The following PKHD1 variants were observed in gnomAD, a reference collection of about 807,000 sequenced individuals.
The protein encoded by PKHD1 is PKHD1 ciliary IPT domain containing fibrocystin/polyductin.
PKHD1 carries 291 observed loss-of-function variants against 412.0 expected under a neutral mutation model. The observed-to-expected ratio is 0.71, with a 90% CI of 0.64 to 0.78. The LOEUF (loss-of-function observed/expected upper bound fraction) is 0.78. Ranked by LOEUF, PKHD1 falls within the 30% of genes least tolerant of loss-of-function variation. The pLI, the probability that PKHD1 is intolerant of heterozygous loss-of-function variation, is 0.00. For missense variants in PKHD1, 4,825 were observed against 4,950.7 expected (o/e 0.97, Z 0.76); for synonymous variants, 1,777 against 1,821.5 (o/e 0.98, Z 0.62).
At chr6:51,859,102 A>G (rs1235284806) in intron 48 of PKHD1, among the ~76,000 whole-genome samples, 3 of 152,208 alleles carry the variant, frequency 2.0e-5, no homozygotes, top group Non-Finnish European at 4.4e-5. Context: ...AGTGCTGTCA[A>G]TTAAACCACT....
intron 60 of PKHD1, among the ~76,000 whole-genome samples, chr6:51,669,358 T>C (rs186992403): frequency 2.0e-5 from 3 of 152,226 alleles, no homozygotes; most frequent in Admixed American, 6.5e-5. Flanking sequence ...TATTCTCTGA[T>C]GGTAGTTTGT....
At chr6:51,786,447 T>A (rs1562307620) in intron 53 of PKHD1, among the ~76,000 whole-genome samples, 1 of 152,294 alleles carries the variant, frequency 6.6e-6, no homozygotes, top group African/African-American at 2.4e-5. Flanking sequence ...AGAATAAATA[T>A]AATCATGTCA....
At chr6:51,899,217 A>G (rs1306538776) in intron 43 of PKHD1, among the ~76,000 whole-genome samples, 2 of 150,522 alleles carry the variant, frequency 1.3e-5, no homozygotes, top group Non-Finnish European at 2.9e-5. Context: ...CAACCAAAAA[A>G]GAGAACTTTA....
intron 63 of PKHD1, 137 bp from the exon 64 acceptor site, chr6:51,639,093 G>C (rs1290200848): frequency 1.4e-6 from 1 of 724,288 alleles, no homozygotes. Context: ...AATCCATCAG[G>C]TTCTTCTTAG....
chr6:51,956,483 C>G (rs1455013297), intron 36 of PKHD1, among the ~76,000 whole-genome samples: 1 of 151,920 alleles, frequency 6.6e-6, no homozygotes, highest in African/African-American at 2.4e-5. Context: ...ATTTTTGAGC[C>G]TTCGTCATGC....
At chr6:51,991,607 T>G (rs1470731066) in intron 35 of PKHD1, among the ~76,000 whole-genome samples, 4 of 152,178 alleles carry the variant, frequency 2.6e-5, no homozygotes, top group African/African-American at 9.7e-5. Context: ...AAAAGTTAAA[T>G]AAAATAGGCC....
At chr6:51,811,160 G>T (rs552849183) in intron 52 of PKHD1, among the ~76,000 whole-genome samples, 1 of 152,064 alleles carries the variant, frequency 6.6e-6, no homozygotes, top group African/African-American at 2.4e-5. Context: ...TTTATAATAT[G>T]GTGATTATGT....
intron 23 of PKHD1, 136 bp downstream of exon 23, chr6:52,048,356 C>T (rs1277951151): frequency 6.3e-6 from 6 of 948,494 alleles, no homozygotes; most frequent in African/African-American, 1.6e-5. Context: ...AAGAATGTCA[C>T]TTTCAGACAC....
At chr6:51,721,914 C>T (rs1781968843) in intron 60 of PKHD1, 6 of 1,610,884 alleles carry the variant, frequency 3.7e-6, no homozygotes, top group Non-Finnish European at 5.1e-6. Context: ...GTCCATGCTC[C>T]AACCCATTCT....
chr6:51,958,816 CACACACACACACACACACACACAA>C (rs1791554845), intron 36 of PKHD1, among the ~76,000 whole-genome samples: 1 of 149,344 alleles, frequency 6.7e-6, no homozygotes, highest in Non-Finnish European at 1.5e-5. Flanking sequence ...CCACTAGCTA[CACACACACACACACACACACACAA>C]ACACACACAC....
rs199846197 is a variant in PKHD1 at position 52,055,594 on chromosome 6, T to C, written c.1829A>G (p.Tyr610Cys). ...AAQKGYRLDQ[Y>C]THLCLAYKGH... is the part of the protein sequence containing the mutation. ...ACAAAGACTGCTACTCACGTGTGTA[T>C]ACTGATCTAGCCGATAGCCCTTCTG... The change falls in exon 19 of 67, where the codon TAT (tyrosine) becomes TGT (cysteine). Residue 610 changes from tyrosine (Y) to cysteine (C), a missense_variant. Transcript: ENST00000371117. The C allele has an allele frequency of 7.4e-6, 12 of 1,613,988 alleles. No individual in the cohort carries two copies. The highest frequency in any genetic ancestry group is 6.7e-5 in the Admixed American group (4 of 60,024).
chr6:51,974,096 C>T (rs1223886405), intron 35 of PKHD1, among the ~76,000 whole-genome samples: 2 of 152,166 alleles, frequency 1.3e-5, no homozygotes, highest in Admixed American at 6.5e-5. Flanking sequence ...AGGGGGCAAG[C>T]AAGAAGCACA....
At chr6:51,997,413 G>A (rs774842873) in intron 35 of PKHD1, among the ~76,000 whole-genome samples, 1 of 152,004 alleles carries the variant, frequency 6.6e-6, no homozygotes, top group Non-Finnish European at 1.5e-5. Flanking sequence ...TTTTTCCCTT[G>A]TGATTTAAGT....
At chr6:51,788,229 G>A (rs991387209) in intron 53 of PKHD1, among the ~76,000 whole-genome samples, 10 of 151,936 alleles carry the variant, frequency 6.6e-5, no homozygotes, top group Non-Finnish European at 1.3e-4. Context: ...CAGGACTAAT[G>A]GCATGACCTG....
intron 33 of PKHD1, among the ~76,000 whole-genome samples, chr6:52,022,566 T>C (rs765436890): frequency 1.6e-4 from 24 of 152,170 alleles, no homozygotes; most frequent in Non-Finnish European, 3.2e-4. Context: ...GATAAGTGTT[T>C]CAATATTCAT....
chr6:51,895,547 A>G (rs1405843667), intron 43 of PKHD1, among the ~76,000 whole-genome samples: 1 of 152,148 alleles, frequency 6.6e-6, no homozygotes, highest in Non-Finnish European at 1.5e-5. Context: ...ATAGGTTTAT[A>G]CCTTCATTCG....
At chr6:51,930,138 T>C (rs950896505) in intron 37 of PKHD1, among the ~76,000 whole-genome samples, 1 of 152,148 alleles carries the variant, frequency 6.6e-6, no homozygotes, top group East Asian at 1.9e-4. Flanking sequence ...CAGTTTGGAG[T>C]GGTGAACCTG....
At chr6:51,720,488 C>T (rs1043501549) in intron 60 of PKHD1, among the ~76,000 whole-genome samples, 1 of 152,120 alleles carries the variant, frequency 6.6e-6, no homozygotes, top group African/African-American at 2.4e-5. Flanking sequence ...AGACTGCTCA[C>T]TCAGCTGTGA....
chr6:51,981,542 C>T (rs1317024747), intron 35 of PKHD1, among the ~76,000 whole-genome samples: 1 of 151,250 alleles, frequency 6.6e-6, no homozygotes, highest in Non-Finnish European at 1.5e-5. Flanking sequence ...TGGTCTCCAG[C>T]TCCTAGCCGC....
Sources: gnomAD v4.1 joint callset for allele counts (sites outside exome capture counted in the v4.1 genomes callset) on GRCh38, gnomAD v4.1.1 for gene constraint, MANE v1.5 for transcripts, NCBI Gene and HGNC (gene_info 2026-07-23, HGNC 2026-07-21) for gene names.